USP34: variants seen among roughly 807,000 people sequenced by gnomAD.
USP34 encodes the protein ubiquitin specific peptidase 34.
USP34 carries 70 observed loss-of-function variants against 460.3 expected under a neutral mutation model. The ratio of observed to expected loss-of-function variants is 0.15; its 90% confidence interval spans 0.13 to 0.19. The LOEUF is 0.19. USP34 is among the 10% of genes least tolerant of loss of function. The pLI, the probability that USP34 is intolerant of heterozygous loss-of-function variation, is 1.00. For synonymous variants in USP34, 1,647 were observed against 1,405.3 expected (o/e 1.17, Z -3.85); for missense variants, 3,985 against 4,236.2 (o/e 0.94, Z 1.65).
intron 8 of USP34, among the ~76,000 whole-genome samples, chr2:61,378,029 C>G (rs1558559114): frequency 6.6e-6 from 1 of 152,142 alleles, no homozygotes; most frequent in African/African-American, 2.4e-5. Flanking sequence ...AAAAATTAGC[C>G]AGGCATGCTG....
chr2:61,201,756 T>A (rs748146224), intron 75 of USP34, among the ~76,000 whole-genome samples: 2 of 152,236 alleles, frequency 1.3e-5, no homozygotes, highest in Non-Finnish European at 2.9e-5. Flanking sequence ...TGGTTAAAGC[T>A]GTCCGAGTAG....
chr2:61,280,957 A>T (rs1389240833), intron 38 of USP34, 133 bp downstream of exon 38: 1 of 949,330 alleles, frequency 1.1e-6, no homozygotes, highest in African/African-American at 1.7e-5. Flanking sequence ...GTAGTATATA[A>T]CTACTATCCT....
chr2:61,385,197 A>C (rs1167476117), intron 5 of USP34, among the ~76,000 whole-genome samples: 1 of 152,224 alleles, frequency 6.6e-6, no homozygotes, highest in African/African-American at 2.4e-5. Context: ...ACACACCTCT[A>C]CATAAAAAGT....
At chr2:61,316,347 G>A (rs1690745889) in intron 23 of USP34, among the ~76,000 whole-genome samples, 1 of 152,326 alleles carries the variant, frequency 6.6e-6, no homozygotes, top group African/African-American at 2.4e-5. Flanking sequence ...CACTTTGGGA[G>A]GCCAAGGCGG....
chr2:61,464,381 T>C (rs1695701077), intron 1 of USP34, among the ~76,000 whole-genome samples: 1 of 151,882 alleles, frequency 6.6e-6, no homozygotes, highest in Admixed American at 6.6e-5. Flanking sequence ...GATATTGGAG[T>C]AGCTGAGTTC....
At chr2:61,418,608 T>G (rs1030729060) in intron 2 of USP34, among the ~76,000 whole-genome samples, 1 of 152,228 alleles carries the variant, frequency 6.6e-6, no homozygotes, top group Non-Finnish European at 1.5e-5. Context: ...AGATTATCCA[T>G]GCTTTATTAG....
At chr2:61,432,992 T>C (rs1694720252) in intron 1 of USP34, among the ~76,000 whole-genome samples, 1 of 152,156 alleles carries the variant, frequency 6.6e-6, no homozygotes, top group Non-Finnish European at 1.5e-5. Context: ...AGCTGAAGAA[T>C]TCCAGCAAAG....
intron 2 of USP34, chr2:61,417,207 T>C (rs893142237): frequency 1.9e-6 from 3 of 1,540,172 alleles, no homozygotes; most frequent in South Asian, 2.2e-5. Flanking sequence ...TACACTGGGG[T>C]AGTGCAAGGT....
At chr2:61,416,018 A>G (rs1399250146) in intron 2 of USP34, among the ~76,000 whole-genome samples, 1 of 152,232 alleles carries the variant, frequency 6.6e-6, no homozygotes, top group African/African-American at 2.4e-5. Flanking sequence ...CCATCTAGCA[A>G]CAAATATTCC....
rs980958372 is a variant in USP34, at chr2:61,240,612, T to C, written c.6777+948A>G. Among the ~76,000 whole-genome samples, 17 of 151,112 alleles carry C rather than the reference T, an allele frequency of 1.1e-4. No individual in the cohort carries two copies. In the East Asian group the frequency reaches 3.2e-3, roughly 28 times the overall value. On this transcript the variant is annotated intron_variant, in intron 53 of 79. Transcript: ENST00000398571. ...TTTTTGAGACAGAGTTTTGCTCTGT[T>C]GCCCAGGCTGAAATACAGTGGTGTG...
chr2:61,295,037 GAGAAAGGCAAAAAA>G lies in USP34; in HGVS notation c.4378-19_4378-6del, dbSNP rs760458134. On this transcript the variant is annotated splice_region_variant and splice_polypyrimidine_tract_variant and intron_variant, in intron 31 of 79. Transcript: ENST00000398571. ...ATAAAGATCACTGTAACTTCCCTATGAGAAAGGCAAAAAAAGTAAGGCAGAATGGCGGAAGAAAG... is the reference window on the plus strand; with the variant it reads ...ATAAAGATCACTGTAACTTCCCTATGAGTAAGGCAGAATGGCGGAAGAAAG... 6.2e-7 allele frequency: 1 copy of G among 1,608,248 alleles called. No individual in the cohort carries two copies. Among genetic ancestry groups the G allele is most frequent in the South Asian group, 1.1e-5 (1 of 89,162 alleles).
At chr2:61,428,729 G>C (rs534540454) in intron 1 of USP34, among the ~76,000 whole-genome samples, 128 of 152,284 alleles carry the variant, frequency 8.4e-4, no homozygotes, top group South Asian at 4.1e-3. Flanking sequence ...CAAATAAAAA[G>C]AAAGAGGGGA....
chr2:61,310,243 CATA>C (rs938179877), intron 27 of USP34, among the ~76,000 whole-genome samples: 7 of 152,010 alleles, frequency 4.6e-5, no homozygotes, highest in Admixed American at 4.6e-4. Context: ...CCAGAAATTC[CATA>C]ATGAGGTATT....
Position 61,188,264 on chromosome 2 carries a change from G to T in USP34, c.10479C>A (p.Ser3493=). ...GAGATAAAGCAACCTCAGGGTCCTGGGAGGGCAAAGCTTGGCCATCACAGC... is the reference window on the plus strand; with the variant it reads ...GAGATAAAGCAACCTCAGGGTCCTGTGAGGGCAAAGCTTGGCCATCACAGC... ...LRSCDGQALP[S]QDPEVALSLS... is the part of the protein sequence containing the mutation. Residue 3493 remains serine, a synonymous_variant, in exon 80 of 80, where the codon TCC becomes TCA. Coordinates refer to ENST00000398571, the MANE Select transcript of USP34 (RefSeq NM_014709.4). 3 of 1,614,052 alleles carry T rather than the reference G, an allele frequency of 1.9e-6. No individual in the cohort carries two copies. Among genetic ancestry groups the T allele is most frequent in the Non-Finnish European group, 1.7e-6 (2 of 1,180,030 alleles).
intron 2 of USP34, among the ~76,000 whole-genome samples, chr2:61,410,879 G>C (rs895752817): frequency 4.6e-5 from 7 of 152,094 alleles, no homozygotes; most frequent in Non-Finnish European, 1.0e-4. Flanking sequence ...CAGAACACTG[G>C]AAAGGCTCAG....
chr2:61,428,517 AC>A (rs1694574580), intron 1 of USP34, among the ~76,000 whole-genome samples: 1 of 152,162 alleles, frequency 6.6e-6, no homozygotes, highest in African/African-American at 2.4e-5. Context: ...ACTCCAACCA[AC>A]CCCATGGAAG....
rs185377679 is a variant in USP34, at chr2:61,443,038, A to G, written c.44-22205T>C. ...CTTATGTGAAATAAGCCAGGAGCAGAAAGTTAAACACCATAAGTTCTTACT... is the reference window on the plus strand; with the variant it reads ...CTTATGTGAAATAAGCCAGGAGCAGGAAGTTAAACACCATAAGTTCTTACT... On this transcript the variant is annotated intron_variant, in intron 1 of 79. Coordinates refer to ENST00000398571, the MANE Select transcript of USP34 (RefSeq NM_014709.4). Among the ~76,000 whole-genome samples the G allele has an allele frequency of 1.2e-3, 167 of 143,768 alleles. 6 individuals carry two copies. The highest frequency in any genetic ancestry group is 0.011 in the Admixed American group (150 of 14,064). 94.3% of individuals were successfully genotyped at this position (143,768 alleles called of 152,430 possible). A position where few individuals can be genotyped will look rare whatever the true frequency, so the allele number is the denominator to read the frequency against.
In USP34 at chr2:61,348,096, T is replaced by C; in HGVS notation, c.2059A>G (p.Asn687Asp). The C allele has an allele frequency of 6.2e-7, 1 of 1,614,242 alleles. No individual in the cohort carries two copies. The highest frequency in any genetic ancestry group is 8.5e-7 in the Non-Finnish European group (1 of 1,180,038). ...CAAGCATCCAGCATTCGCATTCGAT[T>C]ATCTACTGATGGCAATGATTCAGTG... ...FNTESLPSVDNRMRMLDACSH... is the reference protein window; with the variant it reads ...FNTESLPSVDDRMRMLDACSH... The change falls in exon 15 of 80, where the codon AAT becomes GAT. Residue 687 changes from asparagine (N) to aspartate (D), a missense_variant. Around this residue, in one of 14 missense-constraint regions of USP34, gnomAD observed 716 missense variants for 626.2 expected, o/e 1.14. Coordinates refer to ENST00000398571, the MANE Select transcript of USP34 (RefSeq NM_014709.4).
At chr2:61,325,245 T>C in intron 21 of USP34, 130 bp downstream of exon 21, 1 of 478,644 alleles carries the variant, frequency 2.1e-6, no homozygotes. Context: ...CAAACATACA[T>C]GTGCCCACTG....
Sources: gnomAD v4.1 joint callset for allele counts (sites outside exome capture counted in the v4.1 genomes callset) on GRCh38, gnomAD v4.1.1 for gene constraint, gnomAD v4.1.1 regional missense constraint, MANE v1.5 for transcripts, NCBI Gene and HGNC (gene_info 2026-07-23, HGNC 2026-07-21) for gene names.